DOCK8: variants seen among roughly 807,000 people sequenced by gnomAD.
DOCK8 encodes dedicator of cytokinesis protein 8.
DOCK8 carries 141 observed loss-of-function variants against 245.6 expected under a neutral mutation model. The ratio of observed to expected loss-of-function variants is 0.57; its 90% CI spans 0.50 to 0.66. The LOEUF is 0.66. Among genes scored for constraint, DOCK8 ranks in the 30% least tolerant of loss-of-function variants. The pLI is 0.00. For missense variants in DOCK8, 2,965 were observed against 2,603.4 expected (o/e 1.14, Z -3.02); for synonymous variants, 1,168 against 970.2 (o/e 1.20, Z -3.79).
chr9:296,501 A>C (rs1292984184), intron 4 of DOCK8, among the ~76,000 whole-genome samples: 1 of 152,186 alleles, frequency 6.6e-6, no homozygotes, highest in Non-Finnish European at 1.5e-5. Context: ...GATTAAGGTA[A>C]TTCTGAAGGA....
intron 33 of DOCK8, among the ~76,000 whole-genome samples, chr9:425,764 A>AC (rs1225475304): frequency 6.6e-6 from 1 of 151,462 alleles, no homozygotes; most frequent in East Asian, 1.9e-4. Context: ...CTCTAAGGAA[A>AC]AAAAAAAAAA....
chr9:297,813 G>A (rs2049330438), intron 4 of DOCK8, among the ~76,000 whole-genome samples: 1 of 152,198 alleles, frequency 6.6e-6, no homozygotes, highest in African/African-American at 2.4e-5. Context: ...GTTAAACCTA[G>A]TATGAGGAAG....
At chr9:231,617 C>A (rs990329696) in intron 1 of DOCK8, among the ~76,000 whole-genome samples, 2 of 152,036 alleles carry the variant, frequency 1.3e-5, no homozygotes, top group Non-Finnish European at 2.9e-5. Flanking sequence ...CCTTCACATC[C>A]CTTATAAGTT....
chr9:244,700 A>G (rs1312642666), intron 1 of DOCK8, among the ~76,000 whole-genome samples: 2 of 152,224 alleles, frequency 1.3e-5, no homozygotes, highest in African/African-American at 4.8e-5. Context: ...TCAGGTCTGC[A>G]TGGTTCCTCC....
chr9:244,804 C>T lies in DOCK8; in HGVS notation c.54-26823C>T, dbSNP rs182220815. On this transcript the variant is annotated intron_variant, in intron 1 of 47. Transcript: ENST00000432829. ...GCTGGAGGTGCTTCCCACCATAGCT[C>T]GTGAAGGCCCTATTGGTGTTTTCTT... 1.1e-3 allele frequency among the ~76,000 whole-genome samples: 172 copies of T among 152,008 alleles called. 1 individual carries two copies. The highest frequency in any genetic ancestry group is 2.1e-3 in the Non-Finnish European group (145 of 68,016).
At chr9:355,001 C>G (rs1001308807) in intron 14 of DOCK8, among the ~76,000 whole-genome samples, 4 of 152,066 alleles carry the variant, frequency 2.6e-5, no homozygotes, top group African/African-American at 7.2e-5. Flanking sequence ...GCAAGAATAT[C>G]AGGAAGCAGA....
chr9:309,496 A>G (rs1382342676), intron 5 of DOCK8, among the ~76,000 whole-genome samples: 1 of 152,220 alleles, frequency 6.6e-6, no homozygotes, highest in Non-Finnish European at 1.5e-5. Context: ...TAGTCCTACA[A>G]CATATAGTTG....
Position 446,550 on chromosome 9 carries a change from A to G in DOCK8, c.5761A>G (p.Thr1921Ala), listed in dbSNP as rs539337730. 1 of 1,614,174 alleles carries G rather than the reference A, an allele frequency of 6.2e-7. No homozygotes were observed. The highest frequency in any genetic ancestry group is 8.5e-7 in the Non-Finnish European group (1 of 1,180,018). Residue 1921 changes from threonine (T) to alanine (A), a missense_variant, in exon 44 of 48, where the codon ACT (threonine) becomes GCT (alanine). Physicochemically the swap from Thr to Ala is moderately conservative, Grantham distance 58. Around this residue, in one of 3 missense-constraint regions of DOCK8, gnomAD observed 2,825 missense variants for 2,453.5 expected, o/e 1.15. Coordinates refer to ENST00000432829, the MANE Select transcript of DOCK8 (RefSeq NM_203447.4). The part of the protein sequence containing the change: ...EQYRRNTVLT[T>A]MHAFPYIKTR... ...GTACAGAAGGAACACAGTCCTGACC[A>G]CTATGCACGCCTTCCCCTACATCAA...
intron 4 of DOCK8, among the ~76,000 whole-genome samples, chr9:293,900 G>A (rs983093582): frequency 1.3e-5 from 2 of 152,180 alleles, no homozygotes; most frequent in African/African-American, 4.8e-5. Context: ...GTAATATGGA[G>A]GTGCATTAAG....
chr9:342,994 T>A (rs2051684839), intron 14 of DOCK8, among the ~76,000 whole-genome samples: 1 of 152,172 alleles, frequency 6.6e-6, no homozygotes, highest in African/African-American at 2.4e-5. Context: ...AGTCTTAAGT[T>A]TTCTAAAATT....
At chr9:389,907 C>T (rs974347274) in intron 23 of DOCK8, among the ~76,000 whole-genome samples, 3 of 151,964 alleles carry the variant, frequency 2.0e-5, no homozygotes, top group Non-Finnish European at 4.4e-5. Context: ...CGCCTTTAGT[C>T]CCAGCTACTT....
At chr9:401,132 G>T (rs1384236653) in intron 26 of DOCK8, among the ~76,000 whole-genome samples, 2 of 128,428 alleles carry the variant, frequency 1.6e-5, no homozygotes, top group Non-Finnish European at 3.0e-5. Flanking sequence ...GTTCTCTGTG[G>T]TTAGTCACTT....
rs772751519 is a variant in DOCK8, at chr9:266,781, C to T, written c.54-4846C>T. 4.6e-5 allele frequency among the ~76,000 whole-genome samples: 7 copies of T among 152,118 alleles called. No individual in the cohort carries two copies. The East Asian group carries it at 5.8e-4, about 13-fold the overall frequency. On this transcript the variant is annotated intron_variant, in intron 1 of 47. Transcript: ENST00000432829. ...TTAAATAAATCCCAAGGCTCCCTTCCGGGAGAATAAAGAGGATAATATTTA... is the reference window on the plus strand; with the variant it reads ...TTAAATAAATCCCAAGGCTCCCTTCTGGGAGAATAAAGAGGATAATATTTA...
intron 20 of DOCK8, among the ~76,000 whole-genome samples, chr9:379,239 G>A (rs1050076487): frequency 6.6e-6 from 1 of 152,172 alleles, no homozygotes; most frequent in Non-Finnish European, 1.5e-5. Context: ...TAAATCAAAT[G>A]TGTATGGGCC....
At position 332,433 on chromosome 9, in the gene DOCK8, C is replaced by T. The variant is rs1221071990; in HGVS notation, c.1080C>T (p.Asp360=). ...TCCTGCAGCAGGGAGAGATTGGAGA[C>T]TGTGCAGAGCCCTACACGGTTATCA... ...EKVLQQGEIG[D]CAEPYTVIKE... The change falls in exon 10 of 48, where the codon GAC becomes GAT. Residue 360 remains aspartate (D), a synonymous_variant. Transcript: ENST00000432829. The T allele has an allele frequency of 2.5e-6, 4 of 1,613,206 alleles. No individual in the cohort carries two copies. Among genetic ancestry groups the T allele is most frequent in the Non-Finnish European group, 1.7e-6 (2 of 1,179,434 alleles).
chr9:244,719 C>G (rs890564488), intron 1 of DOCK8, among the ~76,000 whole-genome samples: 3 of 151,756 alleles, frequency 2.0e-5, no homozygotes, highest in African/African-American at 7.3e-5. Flanking sequence ...CCCTAGAGTT[C>G]CATCACACTT....
At chr9:233,022 T>C (rs1444670353) in intron 1 of DOCK8, among the ~76,000 whole-genome samples, 1 of 152,200 alleles carries the variant, frequency 6.6e-6, no homozygotes, top group Admixed American at 6.5e-5. Flanking sequence ...CTGCTTTCTC[T>C]TGTGGGCATT....
chr9:325,572 T>C, intron 7 of DOCK8, 99 bp from the exon 8 acceptor site: 1 of 960,044 alleles, frequency 1.0e-6, no homozygotes, highest in Non-Finnish European at 1.7e-6. Flanking sequence ...TTCGGGAAAC[T>C]GCTCATATTT....
intron 28 of DOCK8, among the ~76,000 whole-genome samples, chr9:410,402 T>C (rs1325432958): frequency 6.6e-6 from 1 of 152,216 alleles, no homozygotes; most frequent in Non-Finnish European, 1.5e-5. Flanking sequence ...TCATTTTTTT[T>C]CAACTGTATG....
Sources: gnomAD v4.1 joint callset for allele counts (sites outside exome capture counted in the v4.1 genomes callset) on GRCh38, gnomAD v4.1.1 for gene constraint, gnomAD v4.1.1 regional missense constraint, MANE v1.5 for transcripts, NCBI Gene and HGNC (gene_info 2026-07-23, HGNC 2026-07-21) for gene names.